The following IQCB1 variants were observed in gnomAD, a reference collection of about 807,000 sequenced individuals.
IQCB1 encodes the protein IQ motif containing B1, also known as IQ calmodulin-binding motif-containing protein 1.
A neutral mutation model predicts 84.4 loss-of-function variants in IQCB1; 56 were observed. The ratio of observed to expected loss-of-function variants is 0.66; its 90% CI spans 0.54 to 0.83. The LOEUF (loss-of-function observed/expected upper bound fraction) is 0.83. Ranked by LOEUF, IQCB1 falls within the 40% of genes least tolerant of loss-of-function variation. The pLI is 0.00. For missense variants in IQCB1, 629 were observed against 682.1 expected (o/e 0.92, Z 0.87); for synonymous variants, 210 against 234.8 (o/e 0.89, Z 0.96).
At chr3:121,812,448 G>C (rs557775776) in intron 5 of IQCB1, among the ~76,000 whole-genome samples, 1 of 152,118 alleles carries the variant, frequency 6.6e-6, no homozygotes, top group South Asian at 2.1e-4. Context: ...AGTAGGCTTC[G>C]GAAGGTGGGT....
In IQCB1 at chr3:121,826,313, A is replaced by G. The variant is rs144117502; in HGVS notation, c.264-133T>C. The G allele has an allele frequency of 1.9e-4, 171 of 877,784 alleles. 1 individual carries two copies. In the Middle Eastern group the frequency reaches 3.0e-3, roughly 15 times the overall value. 54.4% of individuals were successfully genotyped at this position (877,784 alleles called of 1,614,324 possible). ...CAAGACAATAAAGAATTTTTGTTGA[A>G]AAATTAGTCTAACAACTTTCTAGAA... On this transcript the variant is annotated intron_variant, in intron 4 of 14. Coordinates refer to ENST00000310864, the MANE Select transcript of IQCB1 (RefSeq NM_001023570.4).
intron 13 of IQCB1, among the ~76,000 whole-genome samples, chr3:121,775,552 C>G (rs555216814): frequency 6.6e-6 from 1 of 152,004 alleles, no homozygotes; most frequent in Non-Finnish European, 1.5e-5. Context: ...CCCAAACCAC[C>G]CATGGCACAT....
rs114628620 is a variant in IQCB1, at chr3:121,786,840, T to A, written c.1278+1444A>T. On this transcript the variant is annotated intron_variant, in intron 12 of 14. Coordinates refer to ENST00000310864, the MANE Select transcript of IQCB1 (RefSeq NM_001023570.4). Reference sequence around the variant, plus strand: ...CAGTACAGGATACTTTTACAAAGTATTGGGGTCATCTAAATCAGGCAAGGT... The same window carrying A: ...CAGTACAGGATACTTTTACAAAGTAATGGGGTCATCTAAATCAGGCAAGGT... 1.8e-3 allele frequency among the ~76,000 whole-genome samples: 275 copies of A among 152,310 alleles called. 1 individual carries two copies. Among genetic ancestry groups the A allele is most frequent in the African/African-American group, 6.5e-3 (270 of 41,562 alleles).
intron 5 of IQCB1, among the ~76,000 whole-genome samples, chr3:121,824,066 T>C (rs949738368): frequency 6.6e-6 from 1 of 152,110 alleles, no homozygotes; most frequent in Non-Finnish European, 1.5e-5. Context: ...AAGCAAGACC[T>C]GACAATACGC....
At chr3:121,820,790 T>G (rs1166507384) in intron 5 of IQCB1, among the ~76,000 whole-genome samples, 1 of 152,034 alleles carries the variant, frequency 6.6e-6, no homozygotes, top group African/African-American at 2.4e-5. Context: ...TTTCTTAATA[T>G]TTCATTTGAC....
intron 12 of IQCB1, among the ~76,000 whole-genome samples, chr3:121,783,766 T>C (rs1203407138): frequency 6.6e-6 from 1 of 152,176 alleles, no homozygotes; most frequent in East Asian, 1.9e-4. Flanking sequence ...GGTGACTACT[T>C]TTCATCTTTC....
intron 13 of IQCB1, among the ~76,000 whole-genome samples, chr3:121,773,890 A>G (rs1232224520): frequency 6.6e-6 from 1 of 151,970 alleles, no homozygotes; most frequent in Non-Finnish European, 1.5e-5. Context: ...AAAAAAAAAC[A>G]ACAACAAAAA....
Position 121,799,178 on chromosome 3 carries a change from A to C in IQCB1, c.766+18T>G. On this transcript the variant is annotated intron_variant, in intron 8 of 14. Coordinates refer to ENST00000310864, the MANE Select transcript of IQCB1 (RefSeq NM_001023570.4). ...TTCTTTTTGAGAATCCCAAGAAAAG[A>C]AAGAATGAATGTACTACCTTTGTAG... The C allele has an allele frequency of 6.3e-7, 1 of 1,586,604 alleles. No individual in the cohort carries two copies. The highest frequency in any genetic ancestry group is 8.6e-7 in the Non-Finnish European group (1 of 1,159,804).
At chr3:121,783,802 G>T (rs967752866) in intron 12 of IQCB1, among the ~76,000 whole-genome samples, 2 of 151,852 alleles carry the variant, frequency 1.3e-5, no homozygotes, top group African/African-American at 4.8e-5. Flanking sequence ...ATTCCATGTT[G>T]CCTTCCTTCT....
At chr3:121,827,436 G>A (rs1380405978) in intron 4 of IQCB1, among the ~76,000 whole-genome samples, 1 of 151,734 alleles carries the variant, frequency 6.6e-6, no homozygotes, top group Non-Finnish European at 1.5e-5. Flanking sequence ...TTTTTTGATT[G>A]AGAAGATTAA....
chr3:121,817,030 T>C (rs981095216), intron 5 of IQCB1, among the ~76,000 whole-genome samples: 2 of 152,074 alleles, frequency 1.3e-5, no homozygotes, highest in African/African-American at 4.8e-5. Context: ...CAATGATAGA[T>C]TGGACAAAGA....
intron 12 of IQCB1, among the ~76,000 whole-genome samples, chr3:121,787,020 C>G (rs1309007003): frequency 6.6e-6 from 1 of 152,118 alleles, no homozygotes; most frequent in Non-Finnish European, 1.5e-5. Context: ...CCTTAGATGG[C>G]TTTGTTTAGC....
chr3:121,795,229 AT>A (rs1949132611), intron 10 of IQCB1, among the ~76,000 whole-genome samples: 1 of 152,088 alleles, frequency 6.6e-6, no homozygotes, highest in Non-Finnish European at 1.5e-5. Flanking sequence ...CAAATATCTT[AT>A]TAAGTGGATA....
At chr3:121,805,578 G>A (rs956507519) in intron 7 of IQCB1, among the ~76,000 whole-genome samples, 1 of 152,098 alleles carries the variant, frequency 6.6e-6, no homozygotes, top group Non-Finnish European at 1.5e-5. Flanking sequence ...TTATGATCTG[G>A]AATAGTGCTC....
chr3:121,782,169 T>C (rs954170432), intron 12 of IQCB1, among the ~76,000 whole-genome samples: 1 of 152,242 alleles, frequency 6.6e-6, no homozygotes, highest in Non-Finnish European at 1.5e-5. Context: ...ACTATGATTC[T>C]GGGCAAGGCA....
At chr3:121,791,782 A>C (rs1178806382) in intron 10 of IQCB1, among the ~76,000 whole-genome samples, 1 of 152,194 alleles carries the variant, frequency 6.6e-6, no homozygotes, top group Non-Finnish European at 1.5e-5. Flanking sequence ...CCTCCTTTTA[A>C]ACTGATTTTT....
At chr3:121,809,807 GTACTAT>G (rs1017388540) in intron 5 of IQCB1, among the ~76,000 whole-genome samples, 2 of 151,920 alleles carry the variant, frequency 1.3e-5, no homozygotes, top group Non-Finnish European at 2.9e-5. Flanking sequence ...CTGAATGTTT[GTACTAT>G]AGCACAAAAG....
At chr3:121,784,617 T>C (rs1306131220) in intron 12 of IQCB1, among the ~76,000 whole-genome samples, 2 of 152,200 alleles carry the variant, frequency 1.3e-5, no homozygotes, top group African/African-American at 2.4e-5. Flanking sequence ...GTGATACTTA[T>C]CTTTCAGCTG....
At position 121,816,836 on chromosome 3, in the gene IQCB1, T is replaced by A. The variant is rs574908805; in HGVS notation, c.394-7827A>T. ...GGTGGGAATGTAAGTTCAACCACTG[T>A]GGAAGACAGTGTGGCGACTGCTCAA... On this transcript the variant is annotated intron_variant, in intron 5 of 14. Coordinates refer to ENST00000310864, the MANE Select transcript of IQCB1 (RefSeq NM_001023570.4). Among the ~76,000 whole-genome samples, 4 of 152,336 alleles carry A rather than the reference T, an allele frequency of 2.6e-5. No individual in the cohort carries two copies. The South Asian group carries it at 8.3e-4, about 32-fold the overall frequency.
Sources: allele counts gnomAD v4.1 joint callset (sites outside exome capture counted in the v4.1 genomes callset), GRCh38; gene constraint gnomAD v4.1.1; transcripts MANE v1.5; gene names NCBI Gene and HGNC (gene_info 2026-07-23, HGNC 2026-07-21).